Variants in TANC1 observed in about 807,000 individuals in gnomAD.
TANC1 encodes tetratricopeptide repeat, ankyrin repeat and coiled-coil containing 1.
TANC1 carries 77 observed loss-of-function variants against 149.7 expected under a neutral mutation model. The ratio of observed to expected loss-of-function variants is 0.51; its 90% CI spans 0.43 to 0.62. The LOEUF (loss-of-function observed/expected upper bound fraction) is 0.62. TANC1 is among the 20% of genes least tolerant of loss of function. The probability of loss-of-function intolerance (pLI) is 0.00; values close to 1 mark genes in which losing one functional copy is unlikely to be tolerated. For missense variants in TANC1, 1,985 were observed against 2,321.8 expected (o/e 0.85, Z 2.98); for synonymous variants, 854 against 925.0 (o/e 0.92, Z 1.39).
chr2:159,134,894 A>G (rs1248796026), intron 4 of TANC1, among the ~76,000 whole-genome samples: 1 of 152,192 alleles, frequency 6.6e-6, no homozygotes, highest in African/African-American at 2.4e-5. Flanking sequence ...CAAGAATTAC[A>G]GGTGTGAGCC....
chr2:159,118,923 G>T (rs1426888121), intron 4 of TANC1, among the ~76,000 whole-genome samples: 2 of 152,130 alleles, frequency 1.3e-5, no homozygotes, highest in African/African-American at 2.4e-5. Flanking sequence ...CTTTGCCTTT[G>T]TACATGACTG....
At chr2:159,135,119 T>G (rs980178562) in intron 4 of TANC1, among the ~76,000 whole-genome samples, 6 of 152,208 alleles carry the variant, frequency 3.9e-5, no homozygotes, top group African/African-American at 1.4e-4. Flanking sequence ...ATAGCCTGCA[T>G]AACCCCCAGC....
At chr2:159,205,365 T>G (rs1250166602) in intron 19 of TANC1, among the ~76,000 whole-genome samples, 2 of 152,194 alleles carry the variant, frequency 1.3e-5, no homozygotes, top group African/African-American at 4.8e-5. Flanking sequence ...TGTTCTTTGG[T>G]AAGAATGTAA....
intron 1 of TANC1, among the ~76,000 whole-genome samples, chr2:158,977,754 C>T (rs1315718869): frequency 6.6e-6 from 1 of 152,002 alleles, no homozygotes; most frequent in East Asian, 1.9e-4. Context: ...AGAGTAGTAG[C>T]TGTCCCTGTT....
intron 10 of TANC1, among the ~76,000 whole-genome samples, chr2:159,171,581 G>GC (rs1394313342): frequency 6.6e-6 from 1 of 152,152 alleles, no homozygotes. Flanking sequence ...CTGGGATTGT[G>GC]CCACTGCCCT....
At chr2:159,197,648 CACAT>C (rs2057961850) in intron 18 of TANC1, among the ~76,000 whole-genome samples, 1 of 152,178 alleles carries the variant, frequency 6.6e-6, no homozygotes, top group South Asian at 2.1e-4. Flanking sequence ...CTGTTAAACA[CACAT>C]ATGAAAATGT....
At chr2:159,005,861 G>A (rs1480133727) in intron 2 of TANC1, among the ~76,000 whole-genome samples, 2 of 151,856 alleles carry the variant, frequency 1.3e-5, no homozygotes, top group Non-Finnish European at 2.9e-5. Flanking sequence ...GATATTTGAT[G>A]GCTTACTTGG....
chr2:158,986,766 C>T (rs1281818421), intron 1 of TANC1, among the ~76,000 whole-genome samples: 1 of 152,148 alleles, frequency 6.6e-6, no homozygotes. Flanking sequence ...GAGAAAATTG[C>T]TTGTTTTTAG....
Position 159,001,483 on chromosome 2 carries a change from T to C in TANC1, c.-16+294T>C, listed in dbSNP as rs1024410621. Among the ~76,000 whole-genome samples, 3 of 152,336 alleles carry C rather than the reference T, an allele frequency of 2.0e-5. No homozygotes were observed. The highest frequency in any genetic ancestry group is 6.5e-5 in the Admixed American group (1 of 15,302). On this transcript the variant is annotated intron_variant, in intron 2 of 26. Coordinates refer to ENST00000263635, the MANE Select transcript of TANC1 (RefSeq NM_033394.3). The surrounding 1 kb of genome is among the most constrained non-coding windows in gnomAD (Gnocchi z 4.3). ...AAGGACGTGCTTAGTGCTACTGAAC[T>C]ATATACTTAAAAATGGTTAAAACGG...
At chr2:159,186,044 C>T (rs1190981418) in intron 15 of TANC1, 145 bp downstream of exon 15, 4 of 638,134 alleles carry the variant, frequency 6.3e-6, no homozygotes, top group Non-Finnish European at 8.4e-6. Context: ...CTCCCCTCTC[C>T]AAAAGTAACC....
intron 1 of TANC1, among the ~76,000 whole-genome samples, chr2:158,985,323 T>C (rs1339217461): frequency 1.3e-5 from 2 of 152,214 alleles, no homozygotes. Context: ...AACTTGGGTT[T>C]ACTGTCCTGT....
intron 7 of TANC1, among the ~76,000 whole-genome samples, chr2:159,158,360 G>T (rs182283855): frequency 6.6e-6 from 1 of 151,284 alleles, no homozygotes; most frequent in Non-Finnish European, 1.5e-5. Context: ...ACCCTGTCTC[G>T]AAACAAAAAA....
chr2:159,031,552 T>A (rs574231935), intron 2 of TANC1, among the ~76,000 whole-genome samples: 3 of 152,210 alleles, frequency 2.0e-5, no homozygotes, highest in South Asian at 2.1e-4. Context: ...CCTCAATTTT[T>A]CCCAAGTGTA....
At chr2:159,215,096 C>T (rs1248804909) in intron 19 of TANC1, among the ~76,000 whole-genome samples, 1 of 152,176 alleles carries the variant, frequency 6.6e-6, no homozygotes, top group African/African-American at 2.4e-5. Context: ...AGCTGCCTTA[C>T]CGTTCTGGAA....
chr2:159,088,503 C>G (rs528385089), intron 3 of TANC1, among the ~76,000 whole-genome samples: 1 of 152,030 alleles, frequency 6.6e-6, no homozygotes, highest in Non-Finnish European at 1.5e-5. Context: ...TTTTAAATTT[C>G]CTGCTTTTCT....
intron 6 of TANC1, 112 bp from the exon 7 acceptor site, chr2:159,150,258 T>A (rs2052632453): frequency 1.1e-5 from 9 of 829,908 alleles, no homozygotes; most frequent in East Asian, 5.4e-5. Flanking sequence ...ATTTTTTTTT[T>A]AAAACTTCCG....
chr2:159,036,388 C>A lies in TANC1; in HGVS notation c.-15-29508C>A, dbSNP rs77724801. Among the ~76,000 whole-genome samples, 1,033 of 152,170 alleles carry A rather than the reference C, an allele frequency of 6.8e-3. 6 individuals are homozygous for A. Among genetic ancestry groups the A allele is most frequent in the African/African-American group, 0.023 (961 of 41,498 alleles). ...AATTATTATTATTATACTTTAAGTT[C>A]TAGGGTACGTGTGCACAATGTGCAG... On this transcript the variant is annotated intron_variant, in intron 2 of 26. Transcript: ENST00000263635.
At chr2:159,144,321 C>G (rs541592084) in intron 5 of TANC1, among the ~76,000 whole-genome samples, 1 of 152,192 alleles carries the variant, frequency 6.6e-6, no homozygotes, top group Admixed American at 6.5e-5. Flanking sequence ...GTATTGCAGA[C>G]CAGAAACAAC....
At chr2:159,198,417 C>G (rs577167616) in intron 18 of TANC1, among the ~76,000 whole-genome samples, 1 of 152,112 alleles carries the variant, frequency 6.6e-6, no homozygotes, top group African/African-American at 2.4e-5. Context: ...TCAGGGTGAA[C>G]GCCGGCTCAG....
Sources: gnomAD v4.1 joint callset for allele counts (sites outside exome capture counted in the v4.1 genomes callset) on GRCh38, gnomAD v4.1.1 for gene constraint, Gnocchi (gnomAD v3.1) non-coding constraint, MANE v1.5 for transcripts, NCBI Gene and HGNC (gene_info 2026-07-23, HGNC 2026-07-21) for gene names.